Variants in SGMS1 observed in about 807,000 individuals in gnomAD.
SGMS1 encodes the protein sphingomyelin synthase 1.
A neutral mutation model predicts 46.2 loss-of-function variants in SGMS1; 13 were observed. The observed-to-expected ratio is 0.28, with a 90% CI of 0.18 to 0.45. The LOEUF is 0.45. SGMS1 is among the 20% of genes least tolerant of loss of function. The pLI is 1.00. For missense variants in SGMS1, 324 were observed against 519.9 expected (o/e 0.62, Z 3.66); for synonymous variants, 203 against 187.8 (o/e 1.08, Z -0.66).
chr10:50,452,237 T>C (rs1837119258), intron 5 of SGMS1, among the ~76,000 whole-genome samples: 1 of 152,124 alleles, frequency 6.6e-6, no homozygotes, highest in Non-Finnish European at 1.5e-5. Flanking sequence ...CTCCAAGACA[T>C]CAAAGTCTCA....
intron 5 of SGMS1, among the ~76,000 whole-genome samples, chr10:50,454,998 T>C (rs1837173747): frequency 6.6e-6 from 1 of 152,214 alleles, no homozygotes; most frequent in South Asian, 2.1e-4. Context: ...TTATTACTTG[T>C]CTCCCTGAAG....
intron 8 of SGMS1, among the ~76,000 whole-genome samples, chr10:50,320,544 C>T (rs1847424538): frequency 6.6e-6 from 1 of 152,146 alleles, no homozygotes; most frequent in East Asian, 1.9e-4. Context: ...AATAATGCCC[C>T]TGCTAAAACT....
intron 6 of SGMS1, among the ~76,000 whole-genome samples, chr10:50,359,956 T>A (rs953768640): frequency 1.3e-5 from 2 of 152,180 alleles, no homozygotes; most frequent in African/African-American, 4.8e-5. Flanking sequence ...CTGCTTTACT[T>A]TTTTTTCAGT....
chr10:50,512,857 C>G (rs190222051), intron 3 of SGMS1, among the ~76,000 whole-genome samples: 1 of 152,316 alleles, frequency 6.6e-6, no homozygotes. Flanking sequence ...TGCCACCTTG[C>G]AGTACCCGGG....
At chr10:50,385,984 C>A (rs970266010) in intron 6 of SGMS1, among the ~76,000 whole-genome samples, 2 of 152,080 alleles carry the variant, frequency 1.3e-5, no homozygotes, top group Non-Finnish European at 2.9e-5. Flanking sequence ...TAGGCTATGA[C>A]ATAGGACATC....
intron 5 of SGMS1, among the ~76,000 whole-genome samples, chr10:50,450,652 T>C (rs1461953047): frequency 6.6e-6 from 1 of 152,062 alleles, no homozygotes; most frequent in East Asian, 1.9e-4. Context: ...AGGAAGTTAA[T>C]ATAAAAATAT....
intron 3 of SGMS1, among the ~76,000 whole-genome samples, chr10:50,495,235 T>G (rs1265538144): frequency 4.9e-5 from 3 of 61,166 alleles, no homozygotes; most frequent in Non-Finnish European, 8.5e-5. Flanking sequence ...GAAGATTCCG[T>G]CTCAAAAAAA....
chr10:50,508,123 C>T (rs1366116418), intron 3 of SGMS1, among the ~76,000 whole-genome samples: 1 of 152,222 alleles, frequency 6.6e-6, no homozygotes, highest in African/African-American at 2.4e-5. Flanking sequence ...GACAACAATG[C>T]TCTATTTAAA....
At chr10:50,337,655 G>A (rs17785945) in intron 7 of SGMS1, among the ~76,000 whole-genome samples, 24,138 of 152,014 alleles carry the variant, frequency 0.16, 2,220 homozygotes, top group East Asian at 0.27. Flanking sequence ...TAAAATGAAA[G>A]ATAAATGTTA....
At chr10:50,494,358 G>A (rs1014514277) in intron 3 of SGMS1, among the ~76,000 whole-genome samples, 4 of 152,130 alleles carry the variant, frequency 2.6e-5, no homozygotes, top group Non-Finnish European at 5.9e-5. Flanking sequence ...ATTCACAATA[G>A]CAAAGACATG....
chr10:50,462,585 A>T (rs1488500843), intron 4 of SGMS1, among the ~76,000 whole-genome samples: 1 of 152,256 alleles, frequency 6.6e-6, no homozygotes, highest in African/African-American at 2.4e-5. Context: ...GTTGGATGTC[A>T]CAATAGGAAA....
At position 50,305,830 on chromosome 10, in the gene SGMS1, T is replaced by C. The variant is rs1847175559; in HGVS notation, c.*1312A>G. On this transcript the variant is annotated 3_prime_UTR_variant, in exon 11 of 11. Coordinates refer to ENST00000361781, the MANE Select transcript of SGMS1 (RefSeq NM_147156.4). The stretch of plus-strand genomic sequence containing the variant: ...GAAGATAATTCTGCTGCACGTAAAA[T>C]ACAGAATGGATATATATACTTCTTC... 1 of 152,694 alleles carries C rather than the reference T, an allele frequency of 6.5e-6. No individual in the cohort carries two copies. The highest frequency in any genetic ancestry group is 1.5e-5 in the Non-Finnish European group (1 of 67,974). The allele number at this position is 152,694 out of a possible 1,614,324, so 9.5% of individuals were successfully genotyped here.
chr10:50,453,320 C>T (rs996216880), intron 5 of SGMS1, among the ~76,000 whole-genome samples: 1 of 151,874 alleles, frequency 6.6e-6, no homozygotes, highest in Non-Finnish European at 1.5e-5. Context: ...AGATAAAAAA[C>T]TCATGTGAAT....
chr10:50,527,276 A>G (rs1240724305), intron 2 of SGMS1, among the ~76,000 whole-genome samples: 1 of 152,124 alleles, frequency 6.6e-6, no homozygotes, highest in South Asian at 2.1e-4. Context: ...TCATCACCTT[A>G]TTGTTAATCA....
At chr10:50,594,934 A>G (rs1157832572) in intron 1 of SGMS1, among the ~76,000 whole-genome samples, 1 of 152,184 alleles carries the variant, frequency 6.6e-6, no homozygotes, top group Non-Finnish European at 1.5e-5. Context: ...CATCTTGTAG[A>G]TGGAAGAAAC....
chr10:50,608,677 T>A (rs1003372653), intron 1 of SGMS1, among the ~76,000 whole-genome samples: 1 of 152,230 alleles, frequency 6.6e-6, no homozygotes, highest in Non-Finnish European at 1.5e-5. Context: ...AAGTCAAAGA[T>A]GTAGCCTAAT....
chr10:50,516,591 C>T (rs574812761), intron 3 of SGMS1, among the ~76,000 whole-genome samples: 3 of 152,050 alleles, frequency 2.0e-5, no homozygotes, highest in Non-Finnish European at 4.4e-5. Flanking sequence ...CAAAAAGAAC[C>T]CCGGCAAAAG....
chr10:50,604,617 C>G (rs1175126413), intron 1 of SGMS1, among the ~76,000 whole-genome samples: 1 of 152,094 alleles, frequency 6.6e-6, no homozygotes, highest in Non-Finnish European at 1.5e-5. Flanking sequence ...CAAGGTTATT[C>G]TTTGGAATGG....
At chr10:50,530,757 T>C (rs547959412) in intron 2 of SGMS1, among the ~76,000 whole-genome samples, 4 of 152,272 alleles carry the variant, frequency 2.6e-5, no homozygotes, top group African/African-American at 7.2e-5. Flanking sequence ...AGCACTGGGA[T>C]TGCAGGCATG....
Sources: gnomAD v4.1 joint callset for allele counts (sites outside exome capture counted in the v4.1 genomes callset) on GRCh38, gnomAD v4.1.1 for gene constraint, MANE v1.5 for transcripts, NCBI Gene and HGNC (gene_info 2026-07-23, HGNC 2026-07-21) for gene names.